SLC16A12: variants seen among roughly 807,000 people sequenced by gnomAD.
SLC16A12 encodes the protein solute carrier family 16 member 12.
A neutral mutation model predicts 42.4 loss-of-function variants in SLC16A12; 17 were observed. That is an observed-to-expected ratio of 0.40 (90% CI 0.27 to 0.60). SLC16A12 has a LOEUF of 0.60. Ranked by LOEUF, SLC16A12 falls within the 20% of genes least tolerant of loss-of-function variation. The pLI, the probability that SLC16A12 is intolerant of heterozygous loss-of-function variation, is 0.42. For missense variants in SLC16A12, 544 were observed against 623.0 expected (o/e 0.87, Z 1.35); for synonymous variants, 224 against 229.4 (o/e 0.98, Z 0.21).
intron 2 of SLC16A12, among the ~76,000 whole-genome samples, chr10:89,469,407 A>C (rs1311242705): frequency 6.6e-6 from 1 of 152,214 alleles, no homozygotes; most frequent in Non-Finnish European, 1.5e-5. Context: ...ACTCGCAGTA[A>C]AGCACTCCAT....
chr10:89,519,938 C>A (rs951716609), intron 2 of SLC16A12, among the ~76,000 whole-genome samples: 24 of 152,088 alleles, frequency 1.6e-4, no homozygotes, highest in African/African-American at 5.8e-4. Flanking sequence ...CATGGTGAAA[C>A]CCTGTCTCTA....
At chr10:89,494,720 G>A (rs972406796) in intron 2 of SLC16A12, among the ~76,000 whole-genome samples, 17 of 152,124 alleles carry the variant, frequency 1.1e-4, no homozygotes, top group South Asian at 2.1e-4. Context: ...GAAGGGAGAC[G>A]GTAAGAAGGA....
chr10:89,512,306 A>C (rs932026747), intron 2 of SLC16A12, among the ~76,000 whole-genome samples: 1 of 152,200 alleles, frequency 6.6e-6, no homozygotes, highest in Non-Finnish European at 1.5e-5. Flanking sequence ...TGCGCTCCCC[A>C]TCATAAGGAA....
chr10:89,545,716 A>C (rs1335702295), intron 2 of SLC16A12, among the ~76,000 whole-genome samples: 1 of 152,248 alleles, frequency 6.6e-6, no homozygotes, highest in Non-Finnish European at 1.5e-5. Context: ...AACTATTTTG[A>C]ATTTCATATG....
rs191397697 is a variant in SLC16A12 at position 89,463,715 on chromosome 10, A to T, written c.-46-1091T>A. Among the ~76,000 whole-genome samples, 210 of 152,324 alleles carry T rather than the reference A, an allele frequency of 1.4e-3. 1 individual carries two copies. The highest frequency in any genetic ancestry group is 4.8e-3 in the African/African-American group (200 of 41,548). ...AAGCCACAGGCTTGGGGAAAAAAAC[A>T]TTAGCAATACATACTTCAAAGAAGT... is the stretch of plus-strand genomic sequence containing the variant. On this transcript the variant is annotated intron_variant, in intron 2 of 7. Transcript: ENST00000371790.
chr10:89,436,862 T>TGAA (rs1272879853), intron 6 of SLC16A12, among the ~76,000 whole-genome samples: 1 of 48,590 alleles, frequency 2.1e-5, no homozygotes, highest in African/African-American at 6.3e-5. Flanking sequence ...AAGAAAGAAA[T>TGAA]AAAGAAAAAG....
chr10:89,453,316 A>G (rs1842125799), intron 3 of SLC16A12, among the ~76,000 whole-genome samples: 1 of 152,234 alleles, frequency 6.6e-6, no homozygotes, highest in South Asian at 2.1e-4. Context: ...TTGCTAGTCT[A>G]ATACTAAAAA....
intron 2 of SLC16A12, among the ~76,000 whole-genome samples, chr10:89,545,812 G>C (rs35236826): frequency 0.019 from 2,915 of 152,176 alleles, 38 homozygotes; most frequent in Non-Finnish European, 0.031. Context: ...ATACTACAAG[G>C]CTACAGTAAC....
rs1554829318 is a variant in SLC16A12 at position 89,481,664 on chromosome 10, TGAGA to T, written c.-46-19044_-46-19041del. On this transcript the variant is annotated intron_variant, in intron 2 of 7. Coordinates refer to ENST00000371790, the MANE Select transcript of SLC16A12 (RefSeq NM_213606.4). ...TTTCTTGTGTGTGTGTGTGTGTGTGTGAGAGAGAGAGAGAGTGTGTGTGTGTGTG... is the reference window on the plus strand; with the variant it reads ...TTTCTTGTGTGTGTGTGTGTGTGTGTGAGAGAGAGAGTGTGTGTGTGTGTG... Among the ~76,000 whole-genome samples the T allele has an allele frequency of 2.4e-4, 33 of 139,638 alleles. No homozygotes were observed. In the South Asian group the frequency reaches 4.5e-3, roughly 19 times the overall value. 91.6% of individuals were successfully genotyped at this position (139,638 alleles called of 152,430 possible).
chr10:89,471,790 G>T (rs926009621), intron 2 of SLC16A12, among the ~76,000 whole-genome samples: 1 of 152,138 alleles, frequency 6.6e-6, no homozygotes, highest in African/African-American at 2.4e-5. Flanking sequence ...GCAATACTTG[G>T]TATTTATGGT....
chr10:89,439,821 C>T (rs7893345), intron 5 of SLC16A12, among the ~76,000 whole-genome samples: 9,104 of 152,060 alleles, frequency 0.06, 554 homozygotes, highest in African/African-American at 0.16. Context: ...CCTGTAATCC[C>T]AGCACTTTGG....
chr10:89,506,988 C>T (rs994441372), intron 2 of SLC16A12, among the ~76,000 whole-genome samples: 2 of 151,364 alleles, frequency 1.3e-5, no homozygotes, highest in Non-Finnish European at 2.9e-5. Flanking sequence ...TGATTGAAGA[C>T]CAAATTAATG....
chr10:89,552,276 T>C (rs1434927704), intron 2 of SLC16A12, among the ~76,000 whole-genome samples: 2 of 152,192 alleles, frequency 1.3e-5, no homozygotes, highest in East Asian at 1.9e-4. Context: ...TACAAAGATA[T>C]CACAAGAAAC....
At chr10:89,540,084 T>TTTTC (rs949844404), upstream of SLC16A12, among the ~76,000 whole-genome samples, 3 of 151,338 alleles carry the variant, frequency 2.0e-5, no homozygotes, top group Non-Finnish European at 3.0e-5. Context: ...CTTTGCCTCT[T>TTTTC]TTTCTTTCTT....
At chr10:89,496,514 G>A (rs1383393647) in intron 2 of SLC16A12, among the ~76,000 whole-genome samples, 2 of 152,040 alleles carry the variant, frequency 1.3e-5, no homozygotes, top group African/African-American at 4.8e-5. Flanking sequence ...AGAAAACAAG[G>A]GGAAATAGAT....
chr10:89,499,392 T>TA (rs1207672610), intron 2 of SLC16A12, among the ~76,000 whole-genome samples: 1 of 152,048 alleles, frequency 6.6e-6, no homozygotes, highest in African/African-American at 2.4e-5. Context: ...TCGTCTCTAC[T>TA]AAAAATACAA....
At chr10:89,508,857 C>A (rs970297532) in intron 2 of SLC16A12, among the ~76,000 whole-genome samples, 1 of 151,834 alleles carries the variant, frequency 6.6e-6, no homozygotes, top group South Asian at 2.1e-4. Flanking sequence ...AGAAAAGAGA[C>A]AAGAATCAAA....
intron 2 of SLC16A12, among the ~76,000 whole-genome samples, chr10:89,531,227 TAA>T (rs75288911): frequency 4.9e-5 from 7 of 141,916 alleles, no homozygotes; most frequent in Admixed American, 7.1e-5. Flanking sequence ...CTGTCTCTAC[TAA>T]AAAAAAAAAA....
chr10:89,439,265 G>C, intron 5 of SLC16A12, 82 bp from the exon 6 acceptor site: 1 of 1,404,252 alleles, frequency 7.1e-7, no homozygotes, highest in Non-Finnish European at 9.9e-7. Flanking sequence ...TTATATTAAA[G>C]AGAATCTGAC....
Sources: allele counts gnomAD v4.1 joint callset (sites outside exome capture counted in the v4.1 genomes callset), GRCh38; gene constraint gnomAD v4.1.1; transcripts MANE v1.5; gene names NCBI Gene and HGNC (gene_info 2026-07-23, HGNC 2026-07-21).